CACNB1: variants seen among roughly 807,000 people sequenced by gnomAD.
The protein encoded by CACNB1 is voltage-dependent L-type calcium channel subunit beta-1.
A neutral mutation model predicts 71.6 loss-of-function variants in CACNB1; 29 were observed. That is an observed-to-expected ratio of 0.40 (90% CI 0.30 to 0.55). CACNB1 has a LOEUF of 0.55. Among genes scored for constraint, CACNB1 ranks in the 20% least tolerant of loss-of-function variants. The probability of loss-of-function intolerance (pLI) is 0.38; values close to 1 mark genes in which losing one functional copy is unlikely to be tolerated. For missense variants in CACNB1, 623 were observed against 801.8 expected, an observed-to-expected ratio of 0.78 and a Z score of 2.69; for synonymous variants, 300 against 319.6, an observed-to-expected ratio of 0.94 and a Z score of 0.65.
At position 39,186,199 on chromosome 17, in the gene CACNB1, G is replaced by C; in HGVS notation, c.628+297C>G. 2 of 1,048,088 alleles carry C rather than the reference G, an allele frequency of 1.9e-6. No individual in the cohort carries two copies. The highest frequency in any genetic ancestry group is 2.9e-6 in the Non-Finnish European group (2 of 692,946). The allele number at this position is 1,048,088 out of a possible 1,614,324, so 64.9% of individuals were successfully genotyped here. Reference sequence around the variant, plus strand: ...GACACAAGTACAGAACGCAGGGATGGGGATGGGGAAAAAAGAAAGAAGAAG... The same window carrying C: ...GACACAAGTACAGAACGCAGGGATGCGGATGGGGAAAAAAGAAAGAAGAAG... On this transcript the variant is annotated intron_variant, in intron 6 of 13. Transcript: ENST00000394303. The surrounding 1 kb of genome is among the most constrained non-coding windows in gnomAD (Gnocchi z 4.1).
chr17:39,190,837 A>G (rs1411386157), intron 3 of CACNB1, among the ~76,000 whole-genome samples: 2 of 152,208 alleles, frequency 1.3e-5, no homozygotes, highest in East Asian at 1.9e-4. Flanking sequence ...CACAAAAATA[A>G]AAAATCCTCT....
At chr17:39,181,843 A>G (rs1283649584) in intron 11 of CACNB1, among the ~76,000 whole-genome samples, 2 of 151,556 alleles carry the variant, frequency 1.3e-5, no homozygotes, top group Non-Finnish European at 2.9e-5. Context: ...CATGGTGAAA[A>G]CCTGTTTCTA....
chr17:39,178,123 A>C, intron 11 of CACNB1, 44 bp from the exon 12 acceptor site: 1 of 1,428,990 alleles, frequency 7.0e-7, no homozygotes, highest in African/African-American at 1.4e-5. Flanking sequence ...AGAGGGACTC[A>C]GGCAATGCAC....
chr17:39,184,750 C>T (rs368423031), intron 8 of CACNB1, 34 bp downstream of exon 8: 1 of 1,398,724 alleles, frequency 7.1e-7, no homozygotes, highest in Non-Finnish European at 1.0e-6. Flanking sequence ...TTTCTAAGGC[C>T]CCTCTGCATC....
At position 39,186,330 on chromosome 17, in the gene CACNB1, C is replaced by A. The variant is rs879381298; in HGVS notation, c.628+166G>T. The A allele has an allele frequency of 1.6e-6, 1 of 637,930 alleles. No individual in the cohort carries two copies. The highest frequency in any genetic ancestry group is 2.7e-6 in the Non-Finnish European group (1 of 364,138). The allele number at this position is 637,930 out of a possible 1,614,324, so 39.5% of individuals were successfully genotyped here. A position where few individuals can be genotyped will look rare whatever the true frequency, so the allele number is the denominator to read the frequency against. ...AGGGAGAGGAGAGACATGACAGGCC[C>A]AGCTTGAGGGGTAGCCTACTCTTCA... On this transcript the variant is annotated intron_variant, in intron 6 of 13. Coordinates refer to ENST00000394303, the MANE Select transcript of CACNB1 (RefSeq NM_000723.5). The surrounding 1 kb of genome is among the most constrained non-coding windows in gnomAD (Gnocchi z 4.1).
chr17:39,190,619 G>T (rs984151557), intron 3 of CACNB1, among the ~76,000 whole-genome samples: 2 of 151,394 alleles, frequency 1.3e-5, no homozygotes, highest in African/African-American at 2.4e-5. Flanking sequence ...GTAGAGACGG[G>T]GTTTCACCAC....
At chr17:39,184,508 G>A (rs2045879864) in intron 8 of CACNB1, 125 bp from the exon 9 acceptor site, 3 of 673,522 alleles carry the variant, frequency 4.5e-6, no homozygotes, top group Non-Finnish European at 8.1e-6. Flanking sequence ...CTTTACGGCG[G>A]GCGGGGGTCT....
intron 3 of CACNB1, among the ~76,000 whole-genome samples, chr17:39,190,041 G>A (rs1001812471): frequency 2.0e-5 from 3 of 151,956 alleles, no homozygotes; most frequent in South Asian, 2.1e-4. Context: ...GCTTGAACCT[G>A]GAAGGCGGAG....
chr17:39,184,963 G>T, intron 7 of CACNB1, 99 bp from the exon 8 acceptor site: 1 of 1,033,958 alleles, frequency 9.7e-7, no homozygotes, highest in Non-Finnish European at 1.5e-6. Flanking sequence ...CCCCCACCCT[G>T]GTCCCAGAGC....
At chr17:39,191,055 T>TCG in intron 3 of CACNB1, among the ~76,000 whole-genome samples, 1 of 151,714 alleles carries the variant, frequency 6.6e-6, no homozygotes, top group South Asian at 2.1e-4. Flanking sequence ...ATACAAAAAA[T>TCG]TAGCCGGGCG....
rs1248845873 is a variant in CACNB1 at position 39,175,574 on chromosome 17, C to T, written c.1416G>A (p.Leu472=). ...TGGGGTAAAGGCCTGGGGGCTGGCC[C>T]AGCTCCCCTGGGTACTCGTGCATGC... The part of the protein sequence containing the change: ...HASMHEYPGE[L]GQPPGLYPSS... The change falls in exon 14 of 14, where the codon CTG becomes CTA. Residue 472 remains leucine (L), a synonymous_variant. Transcript: ENST00000394303. This position sits in a 1 kb window ranked among gnomAD's most constrained non-coding sequence, Gnocchi z 4.7. 1 of 1,612,498 alleles carries T rather than the reference C, an allele frequency of 6.2e-7. No individual in the cohort carries two copies.
chr17:39,193,549 G>A lies in CACNB1; in HGVS notation c.171+1335C>T, dbSNP rs369403249. 96 of 420,660 alleles carry A rather than the reference G, an allele frequency of 2.3e-4. No individual in the cohort carries two copies. In the East Asian group the frequency reaches 2.8e-3, roughly 12 times the overall value. The allele number at this position is 420,660 out of a possible 1,614,324, so 26.1% of individuals were successfully genotyped here. A position where few individuals can be genotyped will look rare whatever the true frequency, so the allele number is the denominator to read the frequency against. On this transcript the variant is annotated intron_variant, in intron 2 of 13. Transcript: ENST00000394303. ...AAACTGCCCGTTCCCTTGGGGGCTCGGGTTACAAGCAGAGTTGCTACATGT... is the reference window on the plus strand; with the variant it reads ...AAACTGCCCGTTCCCTTGGGGGCTCAGGTTACAAGCAGAGTTGCTACATGT...
rs371125114 is a variant in CACNB1 at position 39,191,603 on chromosome 17, G to A, written c.172-10C>T. The A allele has an allele frequency of 1.2e-6, 2 of 1,608,214 alleles. No individual in the cohort carries two copies. The highest frequency in any genetic ancestry group is 1.7e-6 in the Non-Finnish European group (2 of 1,178,082). On this transcript the variant is annotated splice_polypyrimidine_tract_variant and intron_variant, in intron 2 of 13. Coordinates refer to ENST00000394303, the MANE Select transcript of CACNB1 (RefSeq NM_000723.5). ...AGGACTCCGCTGAGCCCTGAAAATA[G>A]AGAGAGCCAGATCAGGGCCATTGCT...
Position 39,175,162 on chromosome 17 carries a change from GCCCTTCCTCCCGCCGTGTGGC to G in CACNB1, c.*10_*30del. On this transcript the variant is annotated 3_prime_UTR_variant, in exon 14 of 14. Transcript: ENST00000394303. This position sits in a 1 kb window ranked among gnomAD's most constrained non-coding sequence, Gnocchi z 4.7. ...CTCCCTCCCCTCCCCTGGGCTCAGA[GCCCTTCCTCCCGCCGTGTGGC>G]CCCTGCCTCTCAGCGAATGTAGACG... The G allele has an allele frequency of 1.2e-5, 19 of 1,553,148 alleles. No homozygotes were observed. Among genetic ancestry groups the G allele is most frequent in the Non-Finnish European group, 1.7e-5 (19 of 1,135,826 alleles).
At chr17:39,187,843 G>A (rs1256372133) in intron 3 of CACNB1, among the ~76,000 whole-genome samples, 3 of 151,952 alleles carry the variant, frequency 2.0e-5, no homozygotes, top group Non-Finnish European at 4.4e-5. Context: ...GTGAAACCCC[G>A]TCTCTACTAA....
At position 39,194,583 on chromosome 17, in the gene CACNB1, C is replaced by T. The variant is rs890614145; in HGVS notation, c.171+301G>A. 5.3e-5 allele frequency among the ~76,000 whole-genome samples: 8 copies of T among 151,920 alleles called. No individual in the cohort carries two copies. Among genetic ancestry groups the T allele is most frequent in the Non-Finnish European group, 1.2e-4 (8 of 67,982 alleles). ...CCGGCAGGGGGAGTGGGTGACAGCC[C>T]GAAGCAAGCTGGAGGGAGGCAGGCC... On this transcript the variant is annotated intron_variant, in intron 2 of 13. Transcript: ENST00000394303. The surrounding 1 kb of genome is among the most constrained non-coding windows in gnomAD (Gnocchi z 4.6).
At chr17:39,189,806 C>T (rs970077996) in intron 3 of CACNB1, among the ~76,000 whole-genome samples, 4 of 151,292 alleles carry the variant, frequency 2.6e-5, no homozygotes, top group Admixed American at 1.3e-4. Flanking sequence ...CCAGCCCTGT[C>T]GGTTTTTAAA....
intron 11 of CACNB1, among the ~76,000 whole-genome samples, chr17:39,179,094 C>T (rs1343751153): frequency 1.3e-5 from 2 of 151,402 alleles, no homozygotes; most frequent in Admixed American, 1.3e-4. Context: ...GAGATCGAGA[C>T]CATCCTGGCT....
intron 11 of CACNB1, among the ~76,000 whole-genome samples, chr17:39,183,337 A>AAAGAAGAAGAAG (rs35982951): frequency 7.7e-6 from 1 of 130,174 alleles, no homozygotes; most frequent in Non-Finnish European, 1.8e-5. Flanking sequence ...GACTTAAAAA[A>AAAGAAGAAGAAG]AAGAAGAAGA....
Sources: gnomAD v4.1 joint callset for allele counts (sites outside exome capture counted in the v4.1 genomes callset) on GRCh38, gnomAD v4.1.1 for gene constraint, Gnocchi (gnomAD v3.1) non-coding constraint, MANE v1.5 for transcripts, NCBI Gene and HGNC (gene_info 2026-07-23, HGNC 2026-07-21) for gene names.